CTTNBP2NL: variants seen among roughly 807,000 people sequenced by gnomAD.
CTTNBP2NL encodes CTTNBP2 N-terminal like, also known as CTTNBP2 N-terminal-like protein.
Under a neutral mutation model 32.5 loss-of-function variants are expected in CTTNBP2NL, and 16 were observed. That is an observed-to-expected ratio of 0.49 (90% CI 0.33 to 0.75). The LOEUF is 0.75. CTTNBP2NL is among the 30% of genes least tolerant of loss of function. CTTNBP2NL has a pLI of 0.02. For synonymous variants in CTTNBP2NL, 298 were observed against 289.4 expected (o/e 1.03, Z -0.30); for missense variants, 645 against 756.0 (o/e 0.85, Z 1.72).
At chr1:112,413,822 C>T (rs187353389) in intron 2 of CTTNBP2NL, among the ~76,000 whole-genome samples, 34 of 152,156 alleles carry the variant, frequency 2.2e-4, no homozygotes, top group Admixed American at 1.4e-3. Flanking sequence ...CCAAGGCGGG[C>T]GGATCACCTG....
chr1:112,420,505 C>T (rs1206406855), intron 3 of CTTNBP2NL, among the ~76,000 whole-genome samples: 3 of 151,464 alleles, frequency 2.0e-5, no homozygotes, highest in Admixed American at 6.6e-5. Flanking sequence ...CTTACTCTGT[C>T]GCCTAGGCTA....
upstream of CTTNBP2NL, among the ~76,000 whole-genome samples, chr1:112,394,777 A>C (rs1648269417): frequency 6.6e-6 from 1 of 152,208 alleles, no homozygotes; most frequent in African/African-American, 2.4e-5. Flanking sequence ...AGTGAGCAGA[A>C]TATGGCATAA....
intron 3 of CTTNBP2NL, among the ~76,000 whole-genome samples, chr1:112,418,001 C>T (rs2492513): frequency 6.6e-6 from 1 of 151,860 alleles, no homozygotes; most frequent in African/African-American, 2.4e-5. Flanking sequence ...GATGCTTAGT[C>T]GGTTGAAAAG....
chr1:112,445,292 T>C (rs1650006641), intron 3 of CTTNBP2NL, among the ~76,000 whole-genome samples: 1 of 152,200 alleles, frequency 6.6e-6, no homozygotes, highest in African/African-American at 2.4e-5. Flanking sequence ...TTATTTAGGC[T>C]GCCTACTTTG....
At chr1:112,405,458 C>T (rs982117542) in intron 1 of CTTNBP2NL, among the ~76,000 whole-genome samples, 7 of 152,068 alleles carry the variant, frequency 4.6e-5, no homozygotes, top group Non-Finnish European at 8.8e-5. Context: ...CCACCATGCC[C>T]GGCTAATTTT....
chr1:112,453,932 T>C (rs1006954962), intron 4 of CTTNBP2NL, among the ~76,000 whole-genome samples: 25 of 152,290 alleles, frequency 1.6e-4, no homozygotes, highest in Middle Eastern at 3.4e-3. Context: ...CCACCTCTTA[T>C]CTAACTATAT....
upstream of CTTNBP2NL, among the ~76,000 whole-genome samples, chr1:112,392,018 A>AAATAAATAAAT (rs1279413363): frequency 6.6e-6 from 1 of 151,444 alleles, no homozygotes; most frequent in African/African-American, 2.4e-5. Context: ...ATAAATAAAT[A>AAATAAATAAAT]AAATAAGTCC....
intron 1 of CTTNBP2NL, among the ~76,000 whole-genome samples, chr1:112,400,293 T>G (rs540040956): frequency 2.3e-4 from 35 of 152,232 alleles, no homozygotes; most frequent in African/African-American, 8.4e-4. Flanking sequence ...AGAGAAAAAT[T>G]TTCTGTCTTC....
chr1:112,396,055 A>G (rs1310149164), upstream of CTTNBP2NL: 3 of 152,346 alleles, frequency 2.0e-5, no homozygotes, highest in East Asian at 1.9e-4. Context: ...GCTCTTCCCA[A>G]ACAAAAGGGA....
At chr1:112,398,411 T>C (rs1253261104) in intron 1 of CTTNBP2NL, among the ~76,000 whole-genome samples, 1 of 152,182 alleles carries the variant, frequency 6.6e-6, no homozygotes, top group Non-Finnish European at 1.5e-5. Flanking sequence ...GTATTTTTTG[T>C]TTTTCATCTT....
At position 112,459,496 on chromosome 1, in the gene CTTNBP2NL, A is replaced by G. The variant is rs1373027134; in HGVS notation, c.*2084A>G. ...GATAGTAAAAAGGCAGGTGATGGAA[A>G]TCAGTGTATAAATCACAATGGAGTA... On this transcript the variant is annotated 3_prime_UTR_variant, in exon 6 of 6. Transcript: ENST00000271277. 5 of 109,790 alleles carry G rather than the reference A, an allele frequency of 4.6e-5. No individual in the cohort carries two copies. The highest frequency in any genetic ancestry group is 2.4e-5 in the Non-Finnish European group (1 of 40,878). The allele number at this position is 109,790 out of a possible 1,614,324, so 6.8% of individuals were successfully genotyped here.
At chr1:112,413,568 C>T (rs1273627589) in intron 2 of CTTNBP2NL, among the ~76,000 whole-genome samples, 1 of 152,164 alleles carries the variant, frequency 6.6e-6, no homozygotes, top group African/African-American at 2.4e-5. Flanking sequence ...GCAGATGTGG[C>T]ATCTGACTAC....
chr1:112,411,032 C>A (rs1361536488), intron 1 of CTTNBP2NL, among the ~76,000 whole-genome samples: 1 of 152,132 alleles, frequency 6.6e-6, no homozygotes, highest in African/African-American at 2.4e-5. Flanking sequence ...ATATCCTTGG[C>A]CACATAATTC....
chr1:112,402,728 T>C (rs1049863504), intron 1 of CTTNBP2NL, among the ~76,000 whole-genome samples: 1 of 152,196 alleles, frequency 6.6e-6, no homozygotes, highest in Non-Finnish European at 1.5e-5. Flanking sequence ...AATGATCTGG[T>C]CTAGCCCTAT....
At position 112,456,153 on chromosome 1, in the gene CTTNBP2NL, T is replaced by C. The variant is rs1650355648; in HGVS notation, c.661T>C (p.Leu221=). 2.5e-6 allele frequency: 4 copies of C among 1,613,210 alleles called. No individual in the cohort carries two copies. Among genetic ancestry groups the C allele is most frequent in the Non-Finnish European group, 3.4e-6 (4 of 1,179,740 alleles). The stretch of plus-strand genomic sequence containing the variant: ...CCGGGTGAGTAAACTGGAAGAAGAG[T>C]TGGCAGCTGAGAGAAAGAGAGGCTT... ...KSRVSKLEEE[L]AAERKRGLQT... Residue 221 remains leucine (L), a synonymous_variant, in exon 6 of 6, where the codon TTG becomes CTG. Coordinates refer to ENST00000271277, the MANE Select transcript of CTTNBP2NL (RefSeq NM_018704.3).
intron 3 of CTTNBP2NL, among the ~76,000 whole-genome samples, chr1:112,419,390 A>G (rs987497725): frequency 1.3e-5 from 2 of 152,204 alleles, no homozygotes; most frequent in African/African-American, 4.8e-5. Flanking sequence ...ATATTATTGA[A>G]AAAATAATCA....
chr1:112,439,868 G>C (rs1344487273), intron 3 of CTTNBP2NL, among the ~76,000 whole-genome samples: 1 of 152,168 alleles, frequency 6.6e-6, no homozygotes, highest in Non-Finnish European at 1.5e-5. Context: ...TATTCCTTGT[G>C]AATGTAAAGT....
chr1:112,431,342 AAG>A (rs1649564829), intron 3 of CTTNBP2NL, among the ~76,000 whole-genome samples: 1 of 152,220 alleles, frequency 6.6e-6, no homozygotes, highest in African/African-American at 2.4e-5. Context: ...AAGAGAAGAG[AAG>A]CAAAGGAAGA....
chr1:112,455,931 T>C lies in CTTNBP2NL; in HGVS notation c.439T>C (p.Leu147=), dbSNP rs1327683722. 6.3e-7 allele frequency: 1 copy of C among 1,576,372 alleles called. No homozygotes were observed. Among genetic ancestry groups the C allele is most frequent in the Non-Finnish European group, 8.6e-7 (1 of 1,165,498 alleles). The change falls in exon 6 of 6, where the codon TTG becomes CTG. Residue 147 remains leucine (L), a splice_region_variant and synonymous_variant. Transcript: ENST00000271277. ...GTCTCTCTTTTCTTTTTTTTTCTAG[T>C]TGGAATTTGAAAAATCCCAAGTGAA... ...EKERERLTQQ[L]EFEKSQVKKF...
Sources: gnomAD v4.1 joint callset for allele counts (sites outside exome capture counted in the v4.1 genomes callset) on GRCh38, gnomAD v4.1.1 for gene constraint, MANE v1.5 for transcripts, NCBI Gene and HGNC (gene_info 2026-07-23, HGNC 2026-07-21) for gene names.